The following PDCD2 variants were observed in gnomAD, a reference collection of about 807,000 sequenced individuals.
The protein encoded by PDCD2 is uS5 assembly chaperone PDCD2.
PDCD2 carries 38 observed loss-of-function variants against 38.1 expected under a neutral mutation model. That is an observed-to-expected ratio of 1.00 (90% CI 0.77 to 1.31). The LOEUF (loss-of-function observed/expected upper bound fraction) is 1.31. Among genes scored for constraint, PDCD2 ranks in the 50% most tolerant of loss-of-function variants. The pLI, the probability that PDCD2 is intolerant of heterozygous loss-of-function variation, is 0.00. For synonymous variants in PDCD2, 205 were observed against 168.9 expected (o/e 1.21, Z -1.66); for missense variants, 473 against 435.7 (o/e 1.09, Z -0.76).
In PDCD2 at chr6:170,584,625, G is replaced by A. The variant is rs1217445412; in HGVS notation, c.-44C>T. ...TGGGGCGCAGCCCACAGCTGGGTCG[G>A]AAGGCGGAAATCGGGCGCCGGGCCG... On this transcript the variant is annotated 5_prime_UTR_variant, in exon 1 of 6. Coordinates refer to ENST00000541970, the MANE Select transcript of PDCD2 (RefSeq NM_002598.4). 6 of 1,160,878 alleles carry A rather than the reference G, an allele frequency of 5.2e-6. No homozygotes were observed. The South Asian group carries it at 1.3e-4, about 25-fold the overall frequency. The allele number at this position is 1,160,878 out of a possible 1,614,324, so 71.9% of individuals were successfully genotyped here.
chr6:170,580,292 T>A (rs910167673), intron 3 of PDCD2, among the ~76,000 whole-genome samples, 187 bp from the exon 4 acceptor site: 19 of 152,212 alleles, frequency 1.2e-4, no homozygotes, highest in African/African-American at 4.6e-4. Flanking sequence ...TTAGTGCATC[T>A]CCTTAAAGCT....
chr6:170,584,617 C>T lies in PDCD2; in HGVS notation c.-36G>A, dbSNP rs1260952470. On this transcript the variant is annotated 5_prime_UTR_variant, in exon 1 of 6. Coordinates refer to ENST00000541970, the MANE Select transcript of PDCD2 (RefSeq NM_002598.4). ...GGCTGGCGTGGGGCGCAGCCCACAGCTGGGTCGGAAGGCGGAAATCGGGCG... is the reference window on the plus strand; with the variant it reads ...GGCTGGCGTGGGGCGCAGCCCACAGTTGGGTCGGAAGGCGGAAATCGGGCG... The T allele has an allele frequency of 1.1e-5, 13 of 1,193,744 alleles. No homozygotes were observed. The highest frequency in any genetic ancestry group is 3.3e-5 in the East Asian group (1 of 30,454). The allele number at this position is 1,193,744 out of a possible 1,614,324, so 73.9% of individuals were successfully genotyped here.
chr6:170,580,453 G>A (rs993652568), intron 3 of PDCD2, among the ~76,000 whole-genome samples: 6 of 152,278 alleles, frequency 3.9e-5, no homozygotes, highest in South Asian at 2.1e-4. Context: ...AGTGGCTCAC[G>A]CCTGTAATCC....
chr6:170,579,310 C>G (rs1779529948), intron 4 of PDCD2: 1 of 209,550 alleles, frequency 4.8e-6, no homozygotes, highest in Non-Finnish European at 9.4e-6. Context: ...TGCCCAGAGT[C>G]TGTGCCTACC....
rs2115020398 is a variant in PDCD2, at chr6:170,584,303, C to G, written c.279G>C (p.Leu93=). ...CCREQPCCAG[L]RVFRNQLPRK... ...CGACCCCGTTTGGCGGCTCACCTCG[C>G]AGGCCGGCACAGCACGGCTGCTCGC... Residue 93 remains leucine, a synonymous_variant, in exon 1 of 6, where the codon CTG becomes CTC. Coordinates refer to ENST00000541970, the MANE Select transcript of PDCD2 (RefSeq NM_002598.4). 1 of 1,453,596 alleles carries G rather than the reference C, an allele frequency of 6.9e-7. No homozygotes were observed. The highest frequency in any genetic ancestry group is 1.5e-5 in the African/African-American group (1 of 67,956). 90.0% of individuals were successfully genotyped at this position (1,453,596 alleles called of 1,614,324 possible).
chr6:170,579,181 CAG>C (rs1168261206), intron 4 of PDCD2: 2 of 520,504 alleles, frequency 3.8e-6, no homozygotes, highest in African/African-American at 4.0e-5. Context: ...TTATCTGACT[CAG>C]AGGGCATCAA....
intron 3 of PDCD2, chr6:170,582,174 T>C (rs1452215140): frequency 2.0e-6 from 3 of 1,509,406 alleles, no homozygotes; most frequent in South Asian, 1.2e-5. Flanking sequence ...TTATCAGTCA[T>C]TATATGGACT....
Position 170,584,361 on chromosome 6 carries a change from G to C in PDCD2, c.221C>G (p.Ala74Gly), listed in dbSNP as rs1285600261. The C allele has an allele frequency of 1.3e-6, 2 of 1,496,172 alleles. No homozygotes were observed. Among genetic ancestry groups the C allele is most frequent in the Non-Finnish European group, 1.8e-6 (2 of 1,127,928 alleles). 92.7% of individuals were successfully genotyped at this position (1,496,172 alleles called of 1,614,324 possible). Residue 74 changes from alanine to glycine, a missense_variant, in exon 1 of 6, where the codon GCC becomes GGC. Transcript: ENST00000541970. Reference sequence around the variant, plus strand: ...GAAGAGGAAGATGCAGCGGTGGAAGGCGTCCGGGCGGCCAGGCAGCGGCGC... The same window carrying C: ...GAAGAGGAAGATGCAGCGGTGGAAGCCGTCCGGGCGGCCAGGCAGCGGCGC... ...VYAPLPGRPD[A>G]FHRCIFLFCC...
rs1779437304 is a variant in PDCD2, at chr6:170,575,759, T to TA, written c.*1799dup. ...CAAATGGAAAGGCCCTGTAAACTGT[T>TA]ACGATCATCTCCAGAGGTTAACTGG... On this transcript the variant is annotated 3_prime_UTR_variant, in exon 6 of 6. Transcript: ENST00000541970. 2 of 152,210 alleles carry TA rather than the reference T, an allele frequency of 1.3e-5. No homozygotes were observed. Among genetic ancestry groups the TA allele is most frequent in the South Asian group, 2.1e-4 (1 of 4,834 alleles). The allele number at this position is 152,210 out of a possible 1,614,324, so 9.4% of individuals were successfully genotyped here.
chr6:170,580,057 C>T lies in PDCD2; in HGVS notation c.707G>A (p.Arg236Lys), dbSNP rs1304710615. 6.2e-7 allele frequency: 1 copy of T among 1,612,504 alleles called. No individual in the cohort carries two copies. The highest frequency in any genetic ancestry group is 8.5e-7 in the Non-Finnish European group (1 of 1,178,896). The change falls in exon 4 of 6, where the codon AGG becomes AAG. Residue 236 changes from arginine (R) to lysine (K), a missense_variant. Physicochemically the swap from Arg to Lys is conservative, Grantham distance 26 (BLOSUM62 2). Transcript: ENST00000541970. ...AAACTTCTGAAAAATTTTATCTTCCCTGGATTCATGTTTTGCCATGGAATC... is the reference window on the plus strand; with the variant it reads ...AAACTTCTGAAAAATTTTATCTTCCTTGGATTCATGTTTTGCCATGGAATC... ...ELDSMAKHES[R>K]EDKIFQKFKT... is the part of the protein sequence containing the mutation.
chr6:170,578,948 A>T lies in PDCD2; in HGVS notation c.785T>A (p.Ile262Asn). The change falls in exon 5 of 6, where the codon ATT becomes AAT. Residue 262 changes from isoleucine to asparagine, a missense_variant. Ile to Asn is a moderately radical substitution (Grantham distance 149). Transcript: ENST00000541970. ...PEQILRYGRG[I>N]APIWISGENI... ...TTCACCAGAAATCCAGATGGGGGCAATACCTCTGCCATATCTAAGAATCTA... is the reference window on the plus strand; with the variant it reads ...TTCACCAGAAATCCAGATGGGGGCATTACCTCTGCCATATCTAAGAATCTA... The T allele has an allele frequency of 1.3e-6, 2 of 1,596,206 alleles. No individual in the cohort carries two copies. Among genetic ancestry groups the T allele is most frequent in the Non-Finnish European group, 1.7e-6 (2 of 1,171,146 alleles).
intron 4 of PDCD2, chr6:170,579,522 T>C (rs1779536282): frequency 6.4e-6 from 1 of 155,236 alleles, no homozygotes; most frequent in Non-Finnish European, 1.4e-5. Context: ...GTGTATTTAT[T>C]TGAACCAGTG....
chr6:170,578,464 C>A, intron 5 of PDCD2: 1 of 583,946 alleles, frequency 1.7e-6, no homozygotes. Flanking sequence ...CAAGATTAAA[C>A]AGTAAAGACT....
chr6:170,581,376 A>G (rs1471254901), intron 3 of PDCD2: 1 of 152,190 alleles, frequency 6.6e-6, no homozygotes. Flanking sequence ...GAGTTTTTTT[A>G]AAGTATCATT....
In PDCD2 at chr6:170,584,486, G is replaced by GCCCA; in HGVS notation, c.92_95dup (p.Pro35AlafsTer64). The GCCCA allele has an allele frequency of 1.5e-6, 2 of 1,321,342 alleles. No individual in the cohort carries two copies. Among genetic ancestry groups the GCCCA allele is most frequent in the Non-Finnish European group, 9.6e-7 (1 of 1,042,266 alleles). 81.9% of individuals were successfully genotyped at this position (1,321,342 alleles called of 1,614,324 possible). A position where few individuals can be genotyped will look rare whatever the true frequency, so the allele number is the denominator to read the frequency against. On this transcript the variant is annotated frameshift_variant, in exon 1 of 6. Coordinates refer to ENST00000541970, the MANE Select transcript of PDCD2 (RefSeq NM_002598.4). LOFTEE classifies it high-confidence loss of function. ...CCGCGCCCAGCCATGCCGGCCGCCCGCCCACCTTGCTGGGGAACTGCTCGC... is the reference window on the plus strand; with the variant it reads ...CCGCGCCCAGCCATGCCGGCCGCCCGCCCACCCACCTTGCTGGGGAACTGCTCGC...
At chr6:170,583,234 G>A (rs1326329130) in intron 2 of PDCD2, 46 bp from the exon 3 acceptor site, 2 of 1,342,252 alleles carry the variant, frequency 1.5e-6, no homozygotes, top group Non-Finnish European at 2.1e-6. Context: ...TAGTTTTGAA[G>A]ACAGTCTAAT....
intron 3 of PDCD2, chr6:170,582,071 T>C (rs1779622811): frequency 1.3e-6 from 2 of 1,491,292 alleles, no homozygotes; most frequent in Non-Finnish European, 1.8e-6. Flanking sequence ...TCATTATGTA[T>C]CATGTTTATC....
intron 3 of PDCD2, chr6:170,581,722 C>A: frequency 6.0e-6 from 1 of 167,098 alleles, no homozygotes; most frequent in South Asian, 1.3e-4. Flanking sequence ...ACACACACAA[C>A]CATCTCAAAA....
At chr6:170,580,714 CA>C (rs201965096) in intron 3 of PDCD2, among the ~76,000 whole-genome samples, 48 of 146,706 alleles carry the variant, frequency 3.3e-4, no homozygotes, top group African/African-American at 8.4e-4. Flanking sequence ...GACTCCGTCT[CA>C]AAAAAAAAAA....
Sources: gnomAD v4.1 joint callset for allele counts (sites outside exome capture counted in the v4.1 genomes callset) on GRCh38, gnomAD v4.1.1 for gene constraint, MANE v1.5 for transcripts, NCBI Gene and HGNC (gene_info 2026-07-23, HGNC 2026-07-21) for gene names.